Variants in SLCO2B1 observed in about 807,000 individuals in gnomAD.
The protein encoded by SLCO2B1 is OATP-RP2.
In SLCO2B1, 41 loss-of-function variants were observed where a neutral mutation model predicts 67.3. That is an observed-to-expected ratio of 0.61 (90% CI 0.47 to 0.79). The LOEUF (loss-of-function observed/expected upper bound fraction) is 0.79, where lower values mean the gene tolerates loss of function less well. Among genes scored for constraint, SLCO2B1 ranks in the 30% least tolerant of loss-of-function variants. The pLI, the probability that SLCO2B1 is intolerant of heterozygous loss-of-function variation, is 0.00. For missense variants in SLCO2B1, 837 were observed against 920.1 expected, an observed-to-expected ratio of 0.91 and a Z score of 1.17; for synonymous variants, 379 against 381.4, an observed-to-expected ratio of 0.99 and a Z score of 0.07.
chr11:75,193,397 C>CCTT lies in SLCO2B1; in HGVS notation c.1257_1259dup (p.Ser420dup). 6.2e-7 allele frequency: 1 copy of CCTT among 1,614,220 alleles called. No individual in the cohort carries two copies. Among genetic ancestry groups the CCTT allele is most frequent in the Non-Finnish European group, 8.5e-7 (1 of 1,180,040 alleles). Reference sequence around the variant, plus strand: ...CCTGCTCATCGGCTGCCTCTCCTTCCCTTCGGTCATCGTGGGCATCGTGGT... The same window carrying CCTT: ...CCTGCTCATCGGCTGCCTCTCCTTCCCTTCTTCGGTCATCGTGGGCATCGTGGT... On this transcript the variant is annotated inframe_insertion, in exon 9 of 14. Transcript: ENST00000289575. The surrounding 1 kb of genome is among the most constrained non-coding windows in gnomAD (Gnocchi z 4.2).
intron 7 of SLCO2B1, among the ~76,000 whole-genome samples, chr11:75,179,218 ATTTT>A (rs373993870): frequency 6.0e-5 from 4 of 66,686 alleles, no homozygotes; most frequent in East Asian, 3.6e-4. Context: ...GATACATGAG[ATTTT>A]TTTTTTTTTT....
rs1342802874 is a variant in SLCO2B1 at position 75,163,896 on chromosome 11, G to A, written c.148-67G>A. The A allele has an allele frequency of 2.0e-6, 3 of 1,524,676 alleles. No individual in the cohort carries two copies. The African/African-American group carries it at 4.1e-5, about 21-fold the overall frequency. 94.4% of individuals were successfully genotyped at this position (1,524,676 alleles called of 1,614,324 possible). A position where few individuals can be genotyped will look rare whatever the true frequency, so the allele number is the denominator to read the frequency against. On this transcript the variant is annotated intron_variant, in intron 2 of 13. Transcript: ENST00000289575. ...ATCTCTACTCCTTGCTGCTCCCTCT[G>A]CCTCCTTCTGCCTCTTTGTCTCCCC...
chr11:75,170,909 G>A (rs905161473), intron 6 of SLCO2B1, among the ~76,000 whole-genome samples: 3 of 152,178 alleles, frequency 2.0e-5, no homozygotes, highest in African/African-American at 7.2e-5. Flanking sequence ...TATCTCCACA[G>A]GCAGATGTGA....
At position 75,177,866 on chromosome 11, in the gene SLCO2B1, C is replaced by T. The variant is rs147243159; in HGVS notation, c.972+5297C>T. 4.3e-3 allele frequency among the ~76,000 whole-genome samples: 650 copies of T among 152,106 alleles called. 2 individuals are homozygous for T. Among genetic ancestry groups the T allele is most frequent in the African/African-American group, 0.015 (610 of 41,496 alleles). ...ATCTCAGCACTTTAGGAGGCTGAGG[C>T]GGGCACATCACTTGAGGTCAGGAGT... On this transcript the variant is annotated intron_variant, in intron 7 of 13. Coordinates refer to ENST00000289575, the MANE Select transcript of SLCO2B1 (RefSeq NM_007256.5).
intron 8 of SLCO2B1, among the ~76,000 whole-genome samples, chr11:75,190,141 C>T (rs1288531511): frequency 1.3e-5 from 2 of 152,212 alleles, no homozygotes; most frequent in South Asian, 2.1e-4. Context: ...CGGCACTCTG[C>T]GCTGCTGAAT....
chr11:75,184,440 T>A (rs956945897), intron 7 of SLCO2B1, among the ~76,000 whole-genome samples: 11 of 152,186 alleles, frequency 7.2e-5, no homozygotes, highest in Admixed American at 6.5e-5. Context: ...TCCTGCCAGA[T>A]CATCAAGAAA....
chr11:75,197,698 G>T (rs1945121029), intron 10 of SLCO2B1, among the ~76,000 whole-genome samples: 1 of 152,146 alleles, frequency 6.6e-6, no homozygotes, highest in African/African-American at 2.4e-5. Flanking sequence ...GACACAGAAG[G>T]CTAGCGAGCA....
chr11:75,198,119 G>T (rs930603350), intron 10 of SLCO2B1, among the ~76,000 whole-genome samples: 1 of 152,210 alleles, frequency 6.6e-6, no homozygotes, highest in African/African-American at 2.4e-5. Context: ...AGAAGAACCT[G>T]TTGATGGTGC....
At chr11:75,157,478 G>T (rs1348462497) in intron 1 of SLCO2B1, among the ~76,000 whole-genome samples, 1 of 152,190 alleles carries the variant, frequency 6.6e-6, no homozygotes, top group African/African-American at 2.4e-5. Context: ...CTGCCTCCTA[G>T]CCCAGAGAGG....
chr11:75,199,668 A>T (rs1945153090), intron 10 of SLCO2B1: 1 of 152,484 alleles, frequency 6.6e-6, no homozygotes, highest in South Asian at 2.1e-4. Context: ...CTCCCATCTG[A>T]GGCCCTGTGT....
At chr11:75,174,815 G>A (rs1410097981) in intron 7 of SLCO2B1, among the ~76,000 whole-genome samples, 1 of 151,116 alleles carries the variant, frequency 6.6e-6, no homozygotes, top group East Asian at 1.9e-4. Flanking sequence ...TTGAGCCACG[G>A]GTGGGATAGG....
chr11:75,193,654 G>C lies in SLCO2B1; in HGVS notation c.1433+79G>C. The C allele has an allele frequency of 7.7e-7, 1 of 1,307,052 alleles. No homozygotes were observed. The highest frequency in any genetic ancestry group is 1.0e-6 in the Non-Finnish European group (1 of 961,818). 81.0% of individuals were successfully genotyped at this position (1,307,052 alleles called of 1,614,324 possible). A position where few individuals can be genotyped will look rare whatever the true frequency, so the allele number is the denominator to read the frequency against. On this transcript the variant is annotated intron_variant, in intron 9 of 13. Transcript: ENST00000289575. This position sits in a 1 kb window ranked among gnomAD's most constrained non-coding sequence, Gnocchi z 4.2. ...GACAGGGGCCCTGGGCAGAGGCCAG[G>C]ATGGCAGGGCAACCCCTGCCTCAAA...
intron 7 of SLCO2B1, among the ~76,000 whole-genome samples, chr11:75,174,329 C>A (rs1366071722): frequency 7.1e-6 from 1 of 141,792 alleles, no homozygotes; most frequent in Non-Finnish European, 1.5e-5. Flanking sequence ...GTTTTTGCTG[C>A]AAGAGCATTT....
intron 9 of SLCO2B1, among the ~76,000 whole-genome samples, chr11:75,195,353 C>A (rs1000194805): frequency 1.3e-5 from 2 of 152,192 alleles, no homozygotes; most frequent in Admixed American, 6.5e-5. Flanking sequence ...CAGTGCCAGC[C>A]TTCCCACTCC....
intron 4 of SLCO2B1, 118 bp downstream of exon 4, chr11:75,166,067 G>A: frequency 2.4e-6 from 3 of 1,258,040 alleles, no homozygotes; most frequent in Non-Finnish European, 3.3e-6. Flanking sequence ...AACACCCCAG[G>A]ACAGCTGCTA....
chr11:75,167,895 C>CTTTTTTTT (rs561140005), intron 4 of SLCO2B1, among the ~76,000 whole-genome samples: 3 of 134,444 alleles, frequency 2.2e-5, no homozygotes, highest in African/African-American at 8.3e-5. Context: ...TTCTTTCTTT[C>CTTTTTTTT]TTTTTTTTTT....
chr11:75,198,744 A>G (rs1945140032), intron 10 of SLCO2B1, among the ~76,000 whole-genome samples: 1 of 152,176 alleles, frequency 6.6e-6, no homozygotes, highest in Admixed American at 6.5e-5. Context: ...GATTGTGAAC[A>G]TCTTGGCTCA....
intron 7 of SLCO2B1, among the ~76,000 whole-genome samples, chr11:75,187,589 C>T (rs1944955457): frequency 6.6e-6 from 1 of 152,016 alleles, no homozygotes; most frequent in African/African-American, 2.4e-5. Context: ...ATGTTAGAGA[C>T]AGTGATAATG....
In SLCO2B1 at chr11:75,193,113, G is replaced by T. The variant is rs138287905; in HGVS notation, c.1076-105G>T. On this transcript the variant is annotated intron_variant, in intron 8 of 13. Coordinates refer to ENST00000289575, the MANE Select transcript of SLCO2B1 (RefSeq NM_007256.5). The surrounding 1 kb of genome is among the most constrained non-coding windows in gnomAD (Gnocchi z 4.2). Reference sequence around the variant, plus strand: ...CAATAGAATTAAGTGGAATGGGGCGGGTTAGAAGAAATGGAACTGCTTGAA... The same window carrying T: ...CAATAGAATTAAGTGGAATGGGGCGTGTTAGAAGAAATGGAACTGCTTGAA... The T allele has an allele frequency of 5.1e-6, 4 of 777,548 alleles. No homozygotes were observed. Among genetic ancestry groups the T allele is most frequent in the Non-Finnish European group, 8.4e-6 (4 of 477,532 alleles). 48.2% of individuals were successfully genotyped at this position (777,548 alleles called of 1,614,324 possible).
Sources: gnomAD v4.1 joint callset for allele counts (sites outside exome capture counted in the v4.1 genomes callset) on GRCh38, gnomAD v4.1.1 for gene constraint, Gnocchi (gnomAD v3.1) non-coding constraint, MANE v1.5 for transcripts, NCBI Gene and HGNC (gene_info 2026-07-23, HGNC 2026-07-21) for gene names.